The following C3orf49 variants were observed in gnomAD, a reference collection of about 807,000 sequenced individuals.
C3orf49 encodes the protein putative uncharacterized protein C3orf49.
C3orf49 carries 27 observed loss-of-function variants against 13.3 expected under a neutral mutation model. That is an observed-to-expected ratio of 2.02 (90% CI 1.49 to 2.79). The LOEUF (loss-of-function observed/expected upper bound fraction) is 2.79, where lower values mean the gene tolerates loss of function less well. C3orf49 is among the 30% of genes most tolerant of loss of function. The pLI is 0.00. For synonymous variants in C3orf49, 87 were observed against 47.6 expected (o/e 1.83, Z -3.40); for missense variants, 242 against 134.2 (o/e 1.80, Z -3.97).
At chr3:63,830,547 C>T (rs912382220) in intron 3 of C3orf49, among the ~76,000 whole-genome samples, 1 of 152,076 alleles carries the variant, frequency 6.6e-6, no homozygotes, top group African/African-American at 2.4e-5. Context: ...AGCTGGGAGC[C>T]ATGACCTGGG....
At chr3:63,835,924 T>C (rs1701623674) in intron 5 of C3orf49, among the ~76,000 whole-genome samples, 1 of 152,038 alleles carries the variant, frequency 6.6e-6, no homozygotes, top group Non-Finnish European at 1.5e-5. Flanking sequence ...TATTATTCTG[T>C]ATGTGTTTCA....
chr3:63,831,025 TA>T, intron 3 of C3orf49, 84 bp from the exon 4 acceptor site: 1 of 651,032 alleles, frequency 1.5e-6, no homozygotes, highest in Non-Finnish European at 2.7e-6. Flanking sequence ...GATAATGTCC[TA>T]AGGGTGAGAA....
chr3:63,836,229 A>G, intron 5 of C3orf49: 1 of 1,404,000 alleles, frequency 7.1e-7, no homozygotes, highest in Non-Finnish European at 9.8e-7. Context: ...TGCAAAAATG[A>G]AATGCCTACG....
At chr3:63,780,674 T>G in the C3orf49 span, among the ~76,000 whole-genome samples, 1 of 152,200 alleles carries the variant, frequency 6.6e-6, no homozygotes, top group East Asian at 1.9e-4. Context: ...TTTTAATGAT[T>G]GCCATTCTAA....
chr3:63,825,626 T>G (rs778627468), intron 2 of C3orf49, among the ~76,000 whole-genome samples: 8 of 152,248 alleles, frequency 5.3e-5, no homozygotes, highest in Non-Finnish European at 1.0e-4. Flanking sequence ...TCCTTTAGGA[T>G]GTAGCTCAAA....
chr3:63,837,950 C>T lies in C3orf49; in HGVS notation c.849+6106C>T, dbSNP rs774743865. On this transcript the variant is annotated intron_variant, in intron 5 of 6. Transcript: ENST00000295896. Reference sequence around the variant, plus strand: ...ACTGTAGTCAGTAATAATGTATTTGCACATTAAATCCCTCAAAACCCTTAC... The same window carrying T: ...ACTGTAGTCAGTAATAATGTATTTGTACATTAAATCCCTCAAAACCCTTAC... 13 of 1,589,472 alleles carry T rather than the reference C, an allele frequency of 8.2e-6. No homozygotes were observed. In the East Asian group the frequency reaches 1.8e-4, roughly 22 times the overall value.
rs777182540 is a variant in C3orf49 at position 63,823,289 on chromosome 3, T to C, written c.165T>C (p.Asn55=). The stretch of plus-strand genomic sequence containing the variant: ...TGTCTACCAACTTACTAAAACAAAA[T>C]GTATTGGTCCCTAAAGAGGAATCAT... The part of the protein sequence containing the change: ...RAVSTNLLKQ[N]VLVPKEESSS... The change falls in exon 2 of 7, where the codon AAT becomes AAC. Residue 55 remains asparagine, a synonymous_variant. Transcript: ENST00000295896. 6 of 702,868 alleles carry C rather than the reference T, an allele frequency of 8.5e-6. No individual in the cohort carries two copies. Among genetic ancestry groups the C allele is most frequent in the Admixed American group, 6.0e-5 (3 of 49,992 alleles). 43.5% of individuals were successfully genotyped at this position (702,868 alleles called of 1,614,324 possible).
At chr3:63,783,762 C>A in the C3orf49 span, among the ~76,000 whole-genome samples, 1 of 150,842 alleles carries the variant, frequency 6.6e-6, no homozygotes, top group Non-Finnish European at 1.5e-5. Context: ...TTAATTAATT[C>A]TGGGAAGCCT....
At chr3:63,807,729 C>T in the C3orf49 span, among the ~76,000 whole-genome samples, 6 of 151,144 alleles carry the variant, frequency 4.0e-5, no homozygotes, top group East Asian at 3.9e-4. Context: ...TGGTGGTGGG[C>T]GCCTATAATC....
chr3:63,808,274 C>A, the C3orf49 span, among the ~76,000 whole-genome samples: 1 of 152,124 alleles, frequency 6.6e-6, no homozygotes, highest in Admixed American at 6.5e-5. Flanking sequence ...TGTAGAGTTT[C>A]TTTTTACATA....
At chr3:63,821,368 T>C (rs184630422) in intron 1 of C3orf49, among the ~76,000 whole-genome samples, 6 of 152,342 alleles carry the variant, frequency 3.9e-5, no homozygotes, top group Admixed American at 1.3e-4. Context: ...ACATTGTTAA[T>C]GGTTATAAAT....
intron 1 of C3orf49, among the ~76,000 whole-genome samples, chr3:63,821,320 C>T (rs1396167527): frequency 1.3e-5 from 2 of 152,026 alleles, no homozygotes; most frequent in Non-Finnish European, 2.9e-5. Context: ...ACATATGCTA[C>T]TGATGGTACA....
chr3:63,831,583 G>T lies in C3orf49; in HGVS notation c.685-97G>T. On this transcript the variant is annotated intron_variant, in intron 4 of 6. Coordinates refer to ENST00000295896, the MANE Select transcript of C3orf49 (RefSeq NM_001355236.2). Reference sequence around the variant, plus strand: ...TTTAAGACTTGCAAAATGTCCGCCAGTTCCAGAACTCTTCTCTCAGGAAAA... The same window carrying T: ...TTTAAGACTTGCAAAATGTCCGCCATTTCCAGAACTCTTCTCTCAGGAAAA... 3 of 660,800 alleles carry T rather than the reference G, an allele frequency of 4.5e-6. No homozygotes were observed. The South Asian group carries it at 5.1e-5, about 11-fold the overall frequency. The allele number at this position is 660,800 out of a possible 1,614,324, so 40.9% of individuals were successfully genotyped here.
chr3:63,800,426 G>A, the C3orf49 span, among the ~76,000 whole-genome samples: 8 of 151,950 alleles, frequency 5.3e-5, no homozygotes, highest in African/African-American at 1.7e-4. Flanking sequence ...AAGGCATTGC[G>A]CTTGCTCAGC....
At chr3:63,810,486 C>G in the C3orf49 span, among the ~76,000 whole-genome samples, 1 of 152,080 alleles carries the variant, frequency 6.6e-6, no homozygotes. Context: ...TTTTTGCTAA[C>G]TGAAGTATAT....
chr3:63,837,970 C>A (rs1258934799), intron 5 of C3orf49: 22 of 1,605,998 alleles, frequency 1.4e-5, no homozygotes, highest in Non-Finnish European at 1.9e-5. Flanking sequence ...CCCTCAAAAC[C>A]CTTACCTTGG....
At chr3:63,801,967 G>T in the C3orf49 span, among the ~76,000 whole-genome samples, 1 of 152,304 alleles carries the variant, frequency 6.6e-6, no homozygotes, top group South Asian at 2.1e-4. Context: ...TTGAATCAAT[G>T]CAAATGCCTA....
At chr3:63,791,849 A>T in the C3orf49 span, among the ~76,000 whole-genome samples, 1 of 152,196 alleles carries the variant, frequency 6.6e-6, no homozygotes, top group African/African-American at 2.4e-5. Context: ...AAATGTGAAC[A>T]TCAGGACTTT....
At chr3:63,820,902 G>A (rs920136837) in intron 1 of C3orf49, among the ~76,000 whole-genome samples, 1 of 152,076 alleles carries the variant, frequency 6.6e-6, no homozygotes, top group Non-Finnish European at 1.5e-5. Context: ...TCCCAGAAGG[G>A]AGGCTGCTAG....
Sources: gnomAD v4.1 joint callset for allele counts (sites outside exome capture counted in the v4.1 genomes callset) on GRCh38, gnomAD v4.1.1 for gene constraint, MANE v1.5 for transcripts, NCBI Gene and HGNC (gene_info 2026-07-23, HGNC 2026-07-21) for gene names.